Variants in LVRN observed in about 807,000 individuals in gnomAD.
The protein encoded by LVRN is laeverin.
In LVRN, 99 loss-of-function variants were observed where a neutral mutation model predicts 111.4. The observed-to-expected ratio is 0.89, with a 90% CI of 0.76 to 1.05. LVRN has a LOEUF of 1.05. Among genes scored for constraint, LVRN ranks in the 50% least tolerant of loss-of-function variants. LVRN has a pLI of 0.00. For missense variants in LVRN, 1,414 were observed against 1,206.8 expected, an observed-to-expected ratio of 1.17 and a Z score of -2.54; for synonymous variants, 488 against 449.5, an observed-to-expected ratio of 1.09 and a Z score of -1.08.
rs772930115 is a variant in LVRN at position 116,015,692 on chromosome 5, G to T, written c.2683G>T (p.Val895Leu). 1 of 1,613,392 alleles carries T rather than the reference G, an allele frequency of 6.2e-7. No homozygotes were observed. Among genetic ancestry groups the T allele is most frequent in the Admixed American group, 1.7e-5 (1 of 59,948 alleles). ...TSNETNIIEV[V>L]ASSEVGRYVA... ...TAATGAAACAAATATAATTGAGGTT[G>T]TGGCTTCATCTGAAGTTGGCCGGTA... Residue 895 changes from valine (V) to leucine (L), a missense_variant, in exon 18 of 20, where the codon GTG becomes TTG. Transcript: ENST00000357872.
chr5:115,970,062 A>T (rs1385081528), intron 1 of LVRN, among the ~76,000 whole-genome samples: 1 of 152,106 alleles, frequency 6.6e-6, no homozygotes, highest in Non-Finnish European at 1.5e-5. Flanking sequence ...AAACAGCTTT[A>T]TTAAAGTATA....
intron 15 of LVRN, 39 bp downstream of exon 15, chr5:116,012,507 A>T: frequency 8.3e-7 from 1 of 1,211,050 alleles, no homozygotes; most frequent in Non-Finnish European, 1.2e-6. Flanking sequence ...AATAAAATGC[A>T]TTCATATTAA....
intron 3 of LVRN, among the ~76,000 whole-genome samples, chr5:115,985,791 T>A (rs1347171330): frequency 2.0e-5 from 3 of 152,226 alleles, no homozygotes; most frequent in Non-Finnish European, 4.4e-5. Context: ...GAGGTCGTGC[T>A]GGCAGTGCTT....
intron 15 of LVRN, among the ~76,000 whole-genome samples, chr5:116,013,805 CACTG>C (rs1041122426): frequency 3.9e-5 from 6 of 152,158 alleles, no homozygotes; most frequent in Non-Finnish European, 7.4e-5. Flanking sequence ...TATTGGTCTT[CACTG>C]TATTCTTTTG....
chr5:116,003,347 G>A lies in LVRN; in HGVS notation c.2004G>A (p.Lys668=). 1 of 1,498,194 alleles carries A rather than the reference G, an allele frequency of 6.7e-7. No individual in the cohort carries two copies. 92.8% of individuals were successfully genotyped at this position (1,498,194 alleles called of 1,614,324 possible). ...YRVNYDKLGW[K]KLNQQLEKDP... is the part of the protein sequence containing the mutation. ...TTAATTATGATAAATTAGGTTGGAA[G>A]AAACTAAATCAACAACTTGAAAAGG... is the stretch of plus-strand genomic sequence containing the variant. The change falls in exon 12 of 20, where the codon AAG becomes AAA. Residue 668 remains lysine (K), a synonymous_variant. Coordinates refer to ENST00000357872, the MANE Select transcript of LVRN (RefSeq NM_173800.5).
intron 5 of LVRN, 149 bp from the exon 6 acceptor site, chr5:115,993,592 T>C: frequency 1.7e-6 from 1 of 580,056 alleles, no homozygotes; most frequent in Non-Finnish European, 3.1e-6. Context: ...ACTTGCTTTT[T>C]TGGTGTCCTG....
rs762126747 is a variant in LVRN, at chr5:115,984,630, C to T, written c.899C>T (p.Thr300Met). The T allele has an allele frequency of 4.8e-5, 78 of 1,613,518 alleles. No homozygotes were observed. Among genetic ancestry groups the T allele is most frequent in the Admixed American group, 1.7e-4 (10 of 59,916 alleles). The part of the protein sequence containing the change: ...SKWTVTTFST[T>M]PHMPTYLVAF... ...TGGACTGTTACAACCTTTTCCACTA[C>T]GCCCCACATGCCAACTTACTTAGTC... The change falls in exon 3 of 20, where the codon ACG becomes ATG. Residue 300 changes from threonine to methionine, a missense_variant. Transcript: ENST00000357872.
At chr5:115,977,875 A>T (rs1420070233) in intron 1 of LVRN, among the ~76,000 whole-genome samples, 1 of 152,226 alleles carries the variant, frequency 6.6e-6, no homozygotes, top group Non-Finnish European at 1.5e-5. Context: ...TACTTCTTGC[A>T]TTTTTGATTC....
chr5:115,979,308 C>G (rs1753514111), intron 1 of LVRN, among the ~76,000 whole-genome samples: 1 of 152,144 alleles, frequency 6.6e-6, no homozygotes, highest in African/African-American at 2.4e-5. Context: ...GTGAGTTGGG[C>G]TTCTAAGCCT....
chr5:116,015,551 A>T, intron 17 of LVRN, 77 bp from the exon 18 acceptor site: 1 of 1,517,194 alleles, frequency 6.6e-7, no homozygotes, highest in Non-Finnish European at 8.8e-7. Context: ...GAACCATGGG[A>T]TTTTGATTTT....
chr5:116,011,023 A>G, intron 14 of LVRN, 129 bp downstream of exon 14: 1 of 187,012 alleles, frequency 5.3e-6, no homozygotes, highest in Non-Finnish European at 9.0e-6. Context: ...ATATATATAT[A>G]TATGGAAGTA....
At chr5:115,965,715 G>A (rs1004219984) in intron 1 of LVRN, among the ~76,000 whole-genome samples, 2 of 152,022 alleles carry the variant, frequency 1.3e-5, no homozygotes, top group African/African-American at 2.4e-5. Flanking sequence ...AGATCTGATG[G>A]TTTTATGAGC....
intron 1 of LVRN, among the ~76,000 whole-genome samples, chr5:115,965,228 C>A (rs754219424): frequency 2.6e-5 from 4 of 152,160 alleles, no homozygotes; most frequent in Admixed American, 2.6e-4. Flanking sequence ...AAACGCAGAA[C>A]CTGCCAAGTT....
At chr5:115,982,018 A>T (rs1246150193) in intron 1 of LVRN, among the ~76,000 whole-genome samples, 2 of 152,186 alleles carry the variant, frequency 1.3e-5, no homozygotes, top group African/African-American at 4.8e-5. Flanking sequence ...TTGGTAGTAG[A>T]TGGAGTGGAG....
In LVRN at chr5:116,000,432, G is replaced by A. The variant is rs1457971552; in HGVS notation, c.1516-1G>A. 1.9e-6 allele frequency: 3 copies of A among 1,613,988 alleles called. No homozygotes were observed. The highest frequency in any genetic ancestry group is 2.5e-6 in the Non-Finnish European group (3 of 1,179,976). Reference sequence around the variant, plus strand: ...ATAATGGACAGCTTCTTTTGTCCTAGGGAGCGTCTATGGCCCGGATGCTTT... The same window carrying A: ...ATAATGGACAGCTTCTTTTGTCCTAAGGAGCGTCTATGGCCCGGATGCTTT... On this transcript the variant is annotated splice_acceptor_variant, in intron 7 of 19. Transcript: ENST00000357872. LOFTEE classifies it high-confidence loss of function.
intron 3 of LVRN, among the ~76,000 whole-genome samples, chr5:115,986,425 A>G (rs990561302): frequency 2.6e-5 from 4 of 152,170 alleles, no homozygotes; most frequent in African/African-American, 9.7e-5. Flanking sequence ...TAGCGGGATG[A>G]TATCGATTTA....
At chr5:116,018,229 C>G (rs527855031) in intron 18 of LVRN, among the ~76,000 whole-genome samples, 1 of 152,136 alleles carries the variant, frequency 6.6e-6, no homozygotes, top group Non-Finnish European at 1.5e-5. Flanking sequence ...ACCTAGTAAA[C>G]AAAAGAACTT....
chr5:116,006,374 C>G (rs976592947), intron 13 of LVRN, among the ~76,000 whole-genome samples: 3 of 151,928 alleles, frequency 2.0e-5, no homozygotes, highest in Admixed American at 6.6e-5. Flanking sequence ...AATACATTAT[C>G]TAGTATTTTT....
At chr5:116,023,276 A>T (rs1459682769) in intron 19 of LVRN, 1 of 152,188 alleles carries the variant, frequency 6.6e-6, no homozygotes, top group Non-Finnish European at 1.5e-5. Flanking sequence ...GACTGAGATA[A>T]TATCTTAGTT....
Sources: gnomAD v4.1 joint callset for allele counts (sites outside exome capture counted in the v4.1 genomes callset) on GRCh38, gnomAD v4.1.1 for gene constraint, MANE v1.5 for transcripts, NCBI Gene and HGNC (gene_info 2026-07-23, HGNC 2026-07-21) for gene names.